PAPPA2: variants seen among roughly 807,000 people sequenced by gnomAD.
The protein encoded by PAPPA2 is pappalysin-2.
Under a neutral mutation model 176.4 loss-of-function variants are expected in PAPPA2, and 86 were observed. That is an observed-to-expected ratio of 0.49 (90% confidence interval 0.41 to 0.58). The LOEUF (loss-of-function observed/expected upper bound fraction) is 0.58. Ranked by LOEUF, PAPPA2 falls within the 20% of genes least tolerant of loss-of-function variation. The pLI is 0.00. For synonymous variants in PAPPA2, 809 were observed against 852.2 expected, an observed-to-expected ratio of 0.95 and a Z score of 0.88; for missense variants, 2,073 against 2,256.9, an observed-to-expected ratio of 0.92 and a Z score of 1.65.
At chr1:176,659,745 AT>A (rs1021193229) in intron 3 of PAPPA2, among the ~76,000 whole-genome samples, 1 of 152,118 alleles carries the variant, frequency 6.6e-6, no homozygotes, top group African/African-American at 2.4e-5. Flanking sequence ...GGATGGTTCA[AT>A]TTGGTATTCT....
intron 4 of PAPPA2, among the ~76,000 whole-genome samples, chr1:176,687,355 G>A (rs1659885515): frequency 6.6e-6 from 1 of 152,140 alleles, no homozygotes; most frequent in Non-Finnish European, 1.5e-5. Flanking sequence ...AGTGTTGAGG[G>A]CTTGCATTTT....
At chr1:176,716,060 C>T (rs967726703) in intron 12 of PAPPA2, among the ~76,000 whole-genome samples, 3 of 151,262 alleles carry the variant, frequency 2.0e-5, no homozygotes, top group Non-Finnish European at 2.9e-5. Flanking sequence ...AACAAACTAC[C>T]CGATAACACA....
intron 2 of PAPPA2, among the ~76,000 whole-genome samples, chr1:176,592,972 T>G (rs1199046956): frequency 6.6e-6 from 1 of 152,204 alleles, no homozygotes; most frequent in Non-Finnish European, 1.5e-5. Context: ...CTTACACTTC[T>G]TTAACAGATA....
Position 176,556,083 on chromosome 1 carries a change from C to A in PAPPA2, c.-240C>A. 1.9e-6 allele frequency: 1 copy of A among 538,960 alleles called. No homozygotes were observed. Among genetic ancestry groups the A allele is most frequent in the Non-Finnish European group, 3.3e-6 (1 of 305,680 alleles). 33.4% of individuals were successfully genotyped at this position (538,960 alleles called of 1,614,324 possible). ...GTACAGCAAGAGGAGAGAGGTCAAG[C>A]GAGAAGCGTGCGGGAAGCACATGCC... On this transcript the variant is annotated 5_prime_UTR_variant, in exon 2 of 23. Coordinates refer to ENST00000367662, the MANE Select transcript of PAPPA2 (RefSeq NM_020318.3).
At chr1:176,752,384 T>C in intron 14 of PAPPA2, among the ~76,000 whole-genome samples, 1 of 151,724 alleles carries the variant, frequency 6.6e-6, no homozygotes, top group East Asian at 1.9e-4. Flanking sequence ...ATTAGGCTGT[T>C]ATTATGTACA....
chr1:176,500,248 T>C (rs1647878878), intron 1 of PAPPA2, among the ~76,000 whole-genome samples: 1 of 152,068 alleles, frequency 6.6e-6, no homozygotes, highest in African/African-American at 2.4e-5. Flanking sequence ...CTTTTACAGT[T>C]CCATGTATTT....
chr1:176,836,732 C>G, intron 21 of PAPPA2: 1 of 152,272 alleles, frequency 6.6e-6, no homozygotes, highest in South Asian at 2.1e-4. Context: ...ATTTCCCTCA[C>G]CCCCAAAATC....
intron 2 of PAPPA2, among the ~76,000 whole-genome samples, chr1:176,564,651 C>T (rs1651854456): frequency 6.6e-6 from 1 of 151,694 alleles, no homozygotes; most frequent in Non-Finnish European, 1.5e-5. Flanking sequence ...ATATTTCTTG[C>T]AGGAAACAAG....
intron 21 of PAPPA2, among the ~76,000 whole-genome samples, chr1:176,826,234 G>A (rs1666860203): frequency 6.6e-6 from 1 of 152,194 alleles, no homozygotes; most frequent in Admixed American, 6.5e-5. Context: ...ACAACTGAGA[G>A]ATGAAGATGG....
chr1:176,480,312 C>T (rs756257095), intron 1 of PAPPA2, among the ~76,000 whole-genome samples: 9 of 152,176 alleles, frequency 5.9e-5, no homozygotes, highest in Non-Finnish European at 1.2e-4. Context: ...CTCAGTAACA[C>T]AGAGCAGTCC....
At chr1:176,772,692 G>A (rs1197689688) in intron 17 of PAPPA2, among the ~76,000 whole-genome samples, 1 of 152,170 alleles carries the variant, frequency 6.6e-6, no homozygotes, top group Non-Finnish European at 1.5e-5. Flanking sequence ...TCTAGCAGGT[G>A]TAGTAAACAG....
rs1651888407 is a variant in PAPPA2 at position 176,471,781 on chromosome 1, C to G, written c.-917+8363C>G. Among the ~76,000 whole-genome samples the G allele has an allele frequency of 2.0e-5, 3 of 152,308 alleles. No individual in the cohort carries two copies. The South Asian group carries it at 6.2e-4, about 32-fold the overall frequency. Reference sequence around the variant, plus strand: ...CCTACAGTTTTCCTTCCAAACTTCTCTTTTCTGTACAATGTATTTGTTACT... The same window carrying G: ...CCTACAGTTTTCCTTCCAAACTTCTGTTTTCTGTACAATGTATTTGTTACT... On this transcript the variant is annotated intron_variant, in intron 1 of 22. Transcript: ENST00000367662.
intron 4 of PAPPA2, among the ~76,000 whole-genome samples, chr1:176,675,615 A>G (rs969381925): frequency 1.1e-4 from 16 of 152,120 alleles, no homozygotes; most frequent in Non-Finnish European, 1.6e-4. Flanking sequence ...CTGTGAAAAT[A>G]TAGAAGAGAT....
At position 176,845,204 on chromosome 1, in the gene PAPPA2, C is replaced by A. The variant is rs1003807713; in HGVS notation, c.*2750C>A. 1 of 152,168 alleles carries A rather than the reference C, an allele frequency of 6.6e-6. No homozygotes were observed. Among genetic ancestry groups the A allele is most frequent in the Admixed American group, 6.5e-5 (1 of 15,272 alleles). The allele number at this position is 152,168 out of a possible 1,614,324, so 9.4% of individuals were successfully genotyped here. On this transcript the variant is annotated 3_prime_UTR_variant, in exon 23 of 23. Coordinates refer to ENST00000367662, the MANE Select transcript of PAPPA2 (RefSeq NM_020318.3). ...TATCCACCCATGTGGTCATTGAGAG[C>A]CTTTCTCAGAGACTCTTCTGTGTGT...
At chr1:176,521,562 A>C (rs962772740) in intron 1 of PAPPA2, among the ~76,000 whole-genome samples, 1 of 152,174 alleles carries the variant, frequency 6.6e-6, no homozygotes, top group African/African-American at 2.4e-5. Flanking sequence ...TGTGTTTTAA[A>C]CCACTCAGTT....
intron 12 of PAPPA2, among the ~76,000 whole-genome samples, chr1:176,738,292 T>C (rs1471103092): frequency 6.6e-6 from 1 of 151,632 alleles, no homozygotes; most frequent in Non-Finnish European, 1.5e-5. Context: ...AAAGAGAGAG[T>C]GTGACTGGTC....
intron 3 of PAPPA2, among the ~76,000 whole-genome samples, chr1:176,618,239 A>T (rs1655383887): frequency 6.6e-6 from 1 of 152,130 alleles, no homozygotes; most frequent in Non-Finnish European, 1.5e-5. Context: ...CTATAGATTG[A>T]ATTTTATGAC....
Position 176,791,173 on chromosome 1 carries a change from A to ATTTTTTTTTTTTT in PAPPA2, c.4885-158_4885-146dup, listed in dbSNP as rs57185368. Among the ~76,000 whole-genome samples, 6 of 80,878 alleles carry ATTTTTTTTTTTTT rather than the reference A, an allele frequency of 7.4e-5. 1 individual carries two copies. The highest frequency in any genetic ancestry group is 3.6e-4 in the African/African-American group (6 of 16,584). The allele number at this position is 80,878 out of a possible 152,430, so 53.1% of individuals were successfully genotyped here. A position where few individuals can be genotyped will look rare whatever the true frequency, so the allele number is the denominator to read the frequency against. ...TTCCTCTGCTTGGAAAAAGCAAAGAATTTTTTTTTTTTTTTTTTTTTTTTT... is the reference window on the plus strand; with the variant it reads ...TTCCTCTGCTTGGAAAAAGCAAAGAATTTTTTTTTTTTTTTTTTTTTTTTTTTTTTTTTTTTTT... On this transcript the variant is annotated intron_variant, in intron 18 of 22. Coordinates refer to ENST00000367662, the MANE Select transcript of PAPPA2 (RefSeq NM_020318.3).
intron 1 of PAPPA2, among the ~76,000 whole-genome samples, chr1:176,480,733 C>T (rs1487785348): frequency 5.3e-5 from 8 of 152,246 alleles, no homozygotes; most frequent in African/African-American, 1.9e-4. Context: ...AATTTCCTTC[C>T]ATGACACTAG....
Sources: gnomAD v4.1 joint callset for allele counts (sites outside exome capture counted in the v4.1 genomes callset) on GRCh38, gnomAD v4.1.1 for gene constraint, MANE v1.5 for transcripts, NCBI Gene and HGNC (gene_info 2026-07-23, HGNC 2026-07-21) for gene names.